TAF1D: variants seen among roughly 807,000 people sequenced by gnomAD.
The protein encoded by TAF1D is TATA box-binding protein-associated factor RNA polymerase I subunit D.
In TAF1D, 23 loss-of-function variants were observed where a neutral mutation model predicts 26.2. The ratio of observed to expected loss-of-function variants is 0.88; its 90% CI spans 0.63 to 1.25. The LOEUF is 1.25. Among genes scored for constraint, TAF1D ranks in the 50% most tolerant of loss-of-function variants. The pLI is 0.00. For synonymous variants in TAF1D, 100 were observed against 105.6 expected (o/e 0.95, Z 0.33); for missense variants, 299 against 322.0 (o/e 0.93, Z 0.55).
downstream of TAF1D, chr11:93,733,553 C>T (rs779756357): frequency 5.8e-6 from 3 of 518,836 alleles, no homozygotes; most frequent in African/African-American, 1.9e-5. Flanking sequence ...GCGTTTCCAA[C>T]GATGTGCAGG....
intron 1 of TAF1D, among the ~76,000 whole-genome samples, chr11:93,740,103 G>A (rs1318010296): frequency 6.6e-6 from 1 of 151,838 alleles, no homozygotes; most frequent in Non-Finnish European, 1.5e-5. Context: ...GAGCCCAGGA[G>A]CTCAAGACCA....
At chr11:93,736,871 G>A in intron 4 of TAF1D, 120 bp from the exon 5 acceptor site, 1 of 1,246,044 alleles carries the variant, frequency 8.0e-7, no homozygotes, top group Non-Finnish European at 1.1e-6. Flanking sequence ...CAAAATTTGA[G>A]AATTTTGTGT....
Position 93,737,202 on chromosome 11 carries a change from T to C in TAF1D, c.497A>G (p.Lys166Arg), listed in dbSNP as rs139661110. 849 of 1,607,036 alleles carry C rather than the reference T, an allele frequency of 5.3e-4. 2 individuals carry two copies. In the African/African-American group the frequency reaches 0.01, roughly 19 times the overall value. The change falls in exon 4 of 6, where the codon AAA becomes AGA. Residue 166 changes from lysine to arginine, a missense_variant. By Grantham distance (26) the Lys-to-Arg change is conservative. Transcript: ENST00000448108. The stretch of plus-strand genomic sequence containing the variant: ...TTTCAGGTGGTGTTCATACTTCAGT[T>C]TTTCAATATAGTTAAAAAATCCTCT... Reference protein sequence around the residue: ...VARGFFNYIEKLKYEHHLKES... With the variant: ...VARGFFNYIERLKYEHHLKES...
chr11:93,736,969 T>G (rs1940926389), intron 4 of TAF1D, 95 bp downstream of exon 4: 6 of 1,192,190 alleles, frequency 5.0e-6, no homozygotes, highest in East Asian at 5.3e-5. Context: ...GTTCATTATT[T>G]AAGTATAACT....
In TAF1D at chr11:93,730,221, C is replaced by T. The variant is rs139948226; in HGVS notation, c.*1230G>A. On this transcript the variant is annotated 3_prime_UTR_variant and NMD_transcript_variant, in exon 12 of 12. Coordinates refer to the TAF1D transcript ENST00000323981. ...CACAACTGAAACTCAAATTTTTATT[C>T]CTTCCACAGAAAACACTAGAGAAAC... 759 of 1,551,222 alleles carry T rather than the reference C, an allele frequency of 4.9e-4. 2 individuals carry two copies. The African/African-American group carries it at 9.5e-3, about 19-fold the overall frequency.
rs1180069650 is a variant in TAF1D, at chr11:93,737,070, T to G, written c.629A>C (p.Glu210Ala). The change falls in exon 4 of 6, where the codon GAG (glutamate) becomes GCG (alanine). Residue 210 changes from glutamate to alanine, a missense_variant. Glu to Ala is a moderately radical substitution (Grantham distance 107). Transcript: ENST00000448108. ...DDDGSISPIE[E>A]STAEDEDATH... ...TTCATATGATTCCACTTACGTTGAC[T>G]CCTCAATAGGAGAAATGGATCCATC... 5 of 1,593,756 alleles carry G rather than the reference T, an allele frequency of 3.1e-6. No individual in the cohort carries two copies. The highest frequency in any genetic ancestry group is 4.3e-6 in the Non-Finnish European group (5 of 1,172,448).
chr11:93,738,600 A>T (rs894658227), intron 2 of TAF1D, 101 bp from the exon 3 acceptor site: 4 of 1,238,812 alleles, frequency 3.2e-6, no homozygotes, highest in Admixed American at 6.4e-5. Flanking sequence ...ACCAACTCAG[A>T]AAACATGCCC....
downstream of TAF1D, chr11:93,732,279 T>C (rs1939278508): frequency 6.1e-6 from 3 of 490,996 alleles, no homozygotes; most frequent in Admixed American, 6.2e-5. Flanking sequence ...TACCTGGTTC[T>C]CAATTTGACA....
chr11:93,741,067 A>T (rs963182519), intron 1 of TAF1D, among the ~76,000 whole-genome samples: 6 of 152,248 alleles, frequency 3.9e-5, no homozygotes, highest in Non-Finnish European at 8.8e-5. Flanking sequence ...TAATAAGGTT[A>T]AACTTGTCCG....
downstream of TAF1D, chr11:93,731,456 G>A (rs771753500): frequency 1.4e-5 from 7 of 514,892 alleles, no homozygotes; most frequent in South Asian, 9.9e-5. Flanking sequence ...TTTTACCTTT[G>A]AGCTTTTATA....
At chr11:93,732,502 T>C, downstream of TAF1D, 1 of 516,886 alleles carries the variant, frequency 1.9e-6, no homozygotes, top group Non-Finnish European at 3.9e-6. Context: ...GCAGTGCAAT[T>C]ATGACTGAAC....
chr11:93,731,956 T>G, downstream of TAF1D: 1 of 491,922 alleles, frequency 2.0e-6, no homozygotes. Context: ...ATTTCTAATA[T>G]TGAAAAGTCA....
chr11:93,737,336 A>C, intron 3 of TAF1D, 97 bp from the exon 4 acceptor site: 2 of 770,234 alleles, frequency 2.6e-6, no homozygotes, highest in East Asian at 2.7e-5. Context: ...CTTAGCAAAG[A>C]CTCTGAATTT....
chr11:93,731,009 A>C (rs1944108), downstream of TAF1D: 204,159 of 518,440 alleles, frequency 0.39, 41,612 homozygotes, highest in South Asian at 0.48. Context: ...TTGCTAGCAA[A>C]GTAGCAGATA....
chr11:93,738,562 C>G (rs1941207985), intron 2 of TAF1D, 63 bp from the exon 3 acceptor site: 1 of 1,453,794 alleles, frequency 6.9e-7, no homozygotes, highest in African/African-American at 1.4e-5. Context: ...CCATTAATAC[C>G]CAGTCCTAAA....
At chr11:93,731,101 T>TA (rs1303954902), downstream of TAF1D, 1 of 509,482 alleles carries the variant, frequency 2.0e-6, no homozygotes, top group African/African-American at 2.0e-5. Flanking sequence ...TAATGACCAT[T>TA]ACACCCTTGA....
At position 93,736,139 on chromosome 11, in the gene TAF1D, A is replaced by G. The variant is rs772106590; in HGVS notation, c.*22T>C. The G allele has an allele frequency of 1.2e-6, 2 of 1,612,780 alleles. No homozygotes were observed. Among genetic ancestry groups the G allele is most frequent in the Admixed American group, 1.7e-5 (1 of 59,840 alleles). On this transcript the variant is annotated 3_prime_UTR_variant, in exon 6 of 6. Coordinates refer to ENST00000448108, the MANE Select transcript of TAF1D (RefSeq NM_024116.4). ...TGAAGTCGTTTTTTCTATATGCTTC[A>G]CCTTTGACATTCATGATCCTGTCAC...
intron 1 of TAF1D, 73 bp downstream of exon 1, chr11:93,741,249 C>T: frequency 2.2e-6 from 1 of 449,922 alleles, no homozygotes; most frequent in Non-Finnish European, 4.5e-6. Context: ...CGAAGGGGCC[C>T]CGGGAAACCC....
At chr11:93,734,767 G>C, downstream of TAF1D, 4 of 1,268,016 alleles carry the variant, frequency 3.2e-6, no homozygotes, top group Non-Finnish European at 3.1e-6. Context: ...CTATTCTACA[G>C]GCCTGGAATC....
Sources: allele counts gnomAD v4.1 joint callset (sites outside exome capture counted in the v4.1 genomes callset), GRCh38; gene constraint gnomAD v4.1.1; transcripts MANE v1.5; gene names NCBI Gene and HGNC (gene_info 2026-07-23, HGNC 2026-07-21).